The following MTF2 variants were observed in gnomAD, a reference collection of about 807,000 sequenced individuals.
MTF2 encodes metal response element binding transcription factor 2, also known as metal-response element-binding transcription factor 2.
Under a neutral mutation model 79.5 loss-of-function variants are expected in MTF2, and 11 were observed. The ratio of observed to expected loss-of-function variants is 0.14; its 90% CI spans 0.09 to 0.23. The LOEUF is 0.23. Among genes scored for constraint, MTF2 ranks in the 10% least tolerant of loss-of-function variants. The pLI is 1.00. For synonymous variants in MTF2, 208 were observed against 232.8 expected, an observed-to-expected ratio of 0.89 and a Z score of 0.97; for missense variants, 486 against 711.2, an observed-to-expected ratio of 0.68 and a Z score of 3.60.
intron 9 of MTF2, among the ~76,000 whole-genome samples, chr1:93,125,195 A>T (rs1286520164): frequency 6.6e-6 from 1 of 151,824 alleles, no homozygotes; most frequent in African/African-American, 2.4e-5. Flanking sequence ...TTTCAGATAT[A>T]TGGTTTGTGA....
At chr1:93,109,972 G>A (rs957154101) in intron 1 of MTF2, among the ~76,000 whole-genome samples, 2 of 152,192 alleles carry the variant, frequency 1.3e-5, no homozygotes, top group Non-Finnish European at 2.9e-5. Flanking sequence ...GATGGCAGCT[G>A]CCTTGAATGT....
chr1:93,104,310 T>C (rs546020998), intron 1 of MTF2, among the ~76,000 whole-genome samples: 1 of 152,254 alleles, frequency 6.6e-6, no homozygotes, highest in African/African-American at 2.4e-5. Context: ...TGATGTGTAT[T>C]TGTCTTAAAT....
At chr1:93,095,690 C>G (rs913133436) in intron 1 of MTF2, among the ~76,000 whole-genome samples, 3 of 141,622 alleles carry the variant, frequency 2.1e-5, no homozygotes, top group Non-Finnish European at 3.0e-5. Flanking sequence ...GAGTCTCGCT[C>G]TGTCACCCAG....
chr1:93,094,690 G>C (rs946938670), intron 1 of MTF2, among the ~76,000 whole-genome samples: 1 of 151,902 alleles, frequency 6.6e-6, no homozygotes, highest in African/African-American at 2.4e-5. Context: ...GGGGGGTGGG[G>C]TGGGCAAGAC....
chr1:93,086,146 G>A lies in MTF2; in HGVS notation c.5+6615G>A, dbSNP rs372519221. Among the ~76,000 whole-genome samples the A allele has an allele frequency of 6.0e-4, 92 of 152,186 alleles. No individual in the cohort carries two copies. The East Asian group carries it at 0.01, about 17-fold the overall frequency. ...ACCACTGCTGTATATGTAATCTGTC[G>A]TTGACCAAAGTTTTACTGTGTAGCA... is the stretch of plus-strand genomic sequence containing the variant. On this transcript the variant is annotated intron_variant, in intron 1 of 14. Coordinates refer to ENST00000370298, the MANE Select transcript of MTF2 (RefSeq NM_007358.4).
At position 93,095,382 on chromosome 1, in the gene MTF2, C is replaced by T. The variant is rs770697020; in HGVS notation, c.6-14848C>T. 1.3e-4 allele frequency among the ~76,000 whole-genome samples: 20 copies of T among 152,032 alleles called. 1 individual carries two copies. The highest frequency in any genetic ancestry group is 2.2e-4 in the African/African-American group (9 of 41,376). ...TGAGATGGAGTTTAGCTCTTGTCGC[C>T]GAAGCTGGAGTGCAATGGTGCAATC... is the stretch of plus-strand genomic sequence containing the variant. On this transcript the variant is annotated intron_variant, in intron 1 of 14. Coordinates refer to ENST00000370298, the MANE Select transcript of MTF2 (RefSeq NM_007358.4).
chr1:93,105,126 A>T lies in MTF2; in HGVS notation c.6-5104A>T, dbSNP rs562424063. On this transcript the variant is annotated intron_variant, in intron 1 of 14. Transcript: ENST00000370298. ...GCCACTGCACTCCAGCCTGGGTGAC[A>T]GAGCGAGACTCCGTCTCAAAAAAAA... Among the ~76,000 whole-genome samples the T allele has an allele frequency of 1.0e-4, 14 of 136,352 alleles. No homozygotes were observed. The East Asian group carries it at 3.0e-3, about 29-fold the overall frequency. 89.5% of individuals were successfully genotyped at this position (136,352 alleles called of 152,430 possible).
intron 1 of MTF2, among the ~76,000 whole-genome samples, chr1:93,108,290 G>A (rs1655889639): frequency 6.6e-6 from 1 of 152,110 alleles, no homozygotes; most frequent in African/African-American, 2.4e-5. Context: ...GTGTGTATGT[G>A]TATGTACATG....
At chr1:93,130,092 T>C (rs1014366833) in intron 11 of MTF2, among the ~76,000 whole-genome samples, 2 of 152,160 alleles carry the variant, frequency 1.3e-5, no homozygotes, top group African/African-American at 4.8e-5. Flanking sequence ...AAACAGCAAG[T>C]GCAAAGGCTT....
intron 1 of MTF2, among the ~76,000 whole-genome samples, chr1:93,107,373 C>T (rs1412754286): frequency 4.0e-5 from 6 of 151,712 alleles, no homozygotes; most frequent in Admixed American, 2.6e-4. Flanking sequence ...TACAGGCACG[C>T]GCCACCATGC....
chr1:93,108,175 A>G (rs981091123), intron 1 of MTF2, among the ~76,000 whole-genome samples: 2 of 152,212 alleles, frequency 1.3e-5, no homozygotes, highest in Non-Finnish European at 2.9e-5. Flanking sequence ...TTATGGGTCT[A>G]ACAATACAAT....
chr1:93,121,486 T>C lies in MTF2; in HGVS notation c.921+814T>C, dbSNP rs1026922883. Reference sequence around the variant, plus strand: ...TTAGGTAAAAATTTTGCACACTGATTTGAAGTTTAGGAAGAATTTCTTGAT... The same window carrying C: ...TTAGGTAAAAATTTTGCACACTGATCTGAAGTTTAGGAAGAATTTCTTGAT... On this transcript the variant is annotated intron_variant, in intron 9 of 14. Coordinates refer to ENST00000370298, the MANE Select transcript of MTF2 (RefSeq NM_007358.4). 4 of 983,688 alleles carry C rather than the reference T, an allele frequency of 4.1e-6. No homozygotes were observed. In the African/African-American group the frequency reaches 7.0e-5, roughly 17 times the overall value. 60.9% of individuals were successfully genotyped at this position (983,688 alleles called of 1,614,324 possible). A position where few individuals can be genotyped will look rare whatever the true frequency, so the allele number is the denominator to read the frequency against.
At chr1:93,097,185 A>G (rs1397379504) in intron 1 of MTF2, among the ~76,000 whole-genome samples, 1 of 152,162 alleles carries the variant, frequency 6.6e-6, no homozygotes, top group Non-Finnish European at 1.5e-5. Context: ...CATTGTAGTC[A>G]TGAAATATAT....
chr1:93,084,586 T>C (rs780243047), intron 1 of MTF2, among the ~76,000 whole-genome samples: 5 of 152,218 alleles, frequency 3.3e-5, no homozygotes, highest in Non-Finnish European at 7.3e-5. Context: ...TGGGAAGACT[T>C]GCCATTTTAA....
intron 1 of MTF2, 51 bp downstream of exon 1, chr1:93,079,582 G>A (rs1456407579): frequency 1.2e-6 from 2 of 1,609,362 alleles, no homozygotes; most frequent in East Asian, 2.2e-5. Context: ...ATGGGGGTTG[G>A]GGGAAGGAGG....
intron 1 of MTF2, among the ~76,000 whole-genome samples, chr1:93,089,966 C>T (rs1461417311): frequency 6.6e-6 from 1 of 151,806 alleles, no homozygotes; most frequent in East Asian, 1.9e-4. Flanking sequence ...GTGTGCACCA[C>T]CACACCTGGC....
intron 3 of MTF2, among the ~76,000 whole-genome samples, chr1:93,112,046 C>A (rs138981855): frequency 6.6e-6 from 1 of 152,152 alleles, no homozygotes; most frequent in East Asian, 1.9e-4. Context: ...ACCAATGTTA[C>A]ATAGAGATAG....
chr1:93,086,579 G>T (rs914745929), intron 1 of MTF2, among the ~76,000 whole-genome samples: 1 of 151,306 alleles, frequency 6.6e-6, no homozygotes, highest in Non-Finnish European at 1.5e-5. Flanking sequence ...GGGTGGAAAA[G>T]ATCTTGGTTT....
intron 8 of MTF2, chr1:93,119,657 C>G: frequency 2.9e-6 from 1 of 343,328 alleles, no homozygotes; most frequent in East Asian, 5.4e-5. Context: ...AATTCTTACT[C>G]ATATTTCTAG....
Sources: allele counts gnomAD v4.1 joint callset (sites outside exome capture counted in the v4.1 genomes callset), GRCh38; gene constraint gnomAD v4.1.1; transcripts MANE v1.5; gene names NCBI Gene and HGNC (gene_info 2026-07-23, HGNC 2026-07-21).